Variants in ATP8A2 observed in about 807,000 individuals in gnomAD.
ATP8A2 encodes the protein phospholipid-transporting ATPase IB.
A neutral mutation model predicts 165.6 loss-of-function variants in ATP8A2; 100 were observed. The observed-to-expected ratio is 0.60, with a 90% CI of 0.51 to 0.71. The LOEUF is 0.71. ATP8A2 is among the 30% of genes least tolerant of loss of function. The probability of loss-of-function intolerance (pLI) is 0.00; values close to 1 mark genes in which losing one functional copy is unlikely to be tolerated. For missense variants in ATP8A2, 1,227 were observed against 1,479.5 expected (o/e 0.83, Z 2.80); for synonymous variants, 543 against 548.8 (o/e 0.99, Z 0.15).
intron 35 of ATP8A2, among the ~76,000 whole-genome samples, chr13:25,971,871 A>G (rs1424635444): frequency 6.6e-6 from 1 of 151,920 alleles, no homozygotes; most frequent in Non-Finnish European, 1.5e-5. Flanking sequence ...CCTCCCTGAA[A>G]CCCACTCCCT....
At chr13:25,549,484 C>T (rs920195668) in intron 10 of ATP8A2, among the ~76,000 whole-genome samples, 7 of 150,042 alleles carry the variant, frequency 4.7e-5, no homozygotes, top group Admixed American at 4.6e-4. Context: ...AAAGCCTGGG[C>T]CCATGATTCA....
intron 1 of ATP8A2, among the ~76,000 whole-genome samples, chr13:25,412,226 G>A (rs2033988295): frequency 6.6e-6 from 1 of 152,158 alleles, no homozygotes; most frequent in African/African-American, 2.4e-5. Context: ...TGCTTCAGAG[G>A]CAGAAGTACC....
At chr13:25,882,784 A>G (rs1953018818) in intron 33 of ATP8A2, among the ~76,000 whole-genome samples, 1 of 152,162 alleles carries the variant, frequency 6.6e-6, no homozygotes, top group South Asian at 2.1e-4. Flanking sequence ...TGCAGCTTAA[A>G]AATTAGCCAC....
chr13:25,867,336 A>G (rs1465059361), intron 33 of ATP8A2, among the ~76,000 whole-genome samples: 1 of 152,052 alleles, frequency 6.6e-6, no homozygotes, highest in Non-Finnish European at 1.5e-5. Context: ...AGGCCTAGGT[A>G]TGTTCCATGT....
At chr13:25,945,784 C>T (rs1955194765) in intron 33 of ATP8A2, among the ~76,000 whole-genome samples, 1 of 152,168 alleles carries the variant, frequency 6.6e-6, no homozygotes, top group African/African-American at 2.4e-5. Context: ...AGGGATGGAT[C>T]GCGGCCAGCT....
intron 8 of ATP8A2, among the ~76,000 whole-genome samples, chr13:25,541,478 G>A (rs2038475873): frequency 6.6e-6 from 1 of 152,026 alleles, no homozygotes; most frequent in Non-Finnish European, 1.5e-5. Context: ...AACCATGATT[G>A]CACCACTGCC....
chr13:25,434,630 T>C (rs12868805), intron 1 of ATP8A2, among the ~76,000 whole-genome samples: 5,225 of 152,290 alleles, frequency 0.034, 119 homozygotes, highest in Middle Eastern at 0.065. Context: ...ATTACAGGCA[T>C]GAGCCACTGT....
At chr13:25,851,194 G>A (rs1399354110) in intron 30 of ATP8A2, among the ~76,000 whole-genome samples, 1 of 152,218 alleles carries the variant, frequency 6.6e-6, no homozygotes, top group Non-Finnish European at 1.5e-5. Context: ...ATTAGGCTTA[G>A]CCCATCTTCA....
chr13:25,443,793 T>C (rs776750439), intron 1 of ATP8A2, among the ~76,000 whole-genome samples: 1 of 152,260 alleles, frequency 6.6e-6, no homozygotes, highest in Non-Finnish European at 1.5e-5. Context: ...ATATCTGTTT[T>C]GTTCCTTGTT....
chr13:25,539,989 T>C (rs946291280), intron 7 of ATP8A2, among the ~76,000 whole-genome samples: 1 of 152,206 alleles, frequency 6.6e-6, no homozygotes, highest in African/African-American at 2.4e-5. Flanking sequence ...AAGGATTGCC[T>C]GAACCCAGTG....
chr13:25,626,768 T>G (rs185245702), intron 24 of ATP8A2, among the ~76,000 whole-genome samples: 2 of 152,176 alleles, frequency 1.3e-5, no homozygotes, highest in Non-Finnish European at 2.9e-5. Context: ...AAAAGAGGTT[T>G]AATGGACTCA....
At chr13:25,667,805 C>T (rs2137730395) in intron 24 of ATP8A2, among the ~76,000 whole-genome samples, 1 of 152,006 alleles carries the variant, frequency 6.6e-6, no homozygotes, top group South Asian at 2.1e-4. Context: ...TTTTGATTCC[C>T]TTTTCACTGC....
chr13:25,473,995 A>T (rs1366817800), intron 2 of ATP8A2, among the ~76,000 whole-genome samples: 1 of 152,234 alleles, frequency 6.6e-6, no homozygotes, highest in Non-Finnish European at 1.5e-5. Context: ...ATGCCATTTG[A>T]AATAGTGAAT....
At chr13:25,587,198 A>T (rs992482342) in intron 23 of ATP8A2, among the ~76,000 whole-genome samples, 1 of 151,652 alleles carries the variant, frequency 6.6e-6, no homozygotes, top group Non-Finnish European at 1.5e-5. Flanking sequence ...ATGTGGATTG[A>T]CACAATAAAT....
chr13:25,889,010 T>C (rs1053378282), intron 33 of ATP8A2, among the ~76,000 whole-genome samples: 1 of 152,056 alleles, frequency 6.6e-6, no homozygotes, highest in African/African-American at 2.4e-5. Context: ...TTTCCTACAA[T>C]CTGTCAACGA....
intron 1 of ATP8A2, among the ~76,000 whole-genome samples, chr13:25,405,349 A>G (rs182361177): frequency 1.4e-3 from 212 of 152,364 alleles, no homozygotes; most frequent in Admixed American, 2.4e-3. Context: ...TCTACCGCAT[A>G]TGATGAGTCA....
chr13:25,699,592 T>C (rs2137913965), intron 25 of ATP8A2, among the ~76,000 whole-genome samples: 1 of 152,356 alleles, frequency 6.6e-6, no homozygotes, highest in East Asian at 1.9e-4. Flanking sequence ...GGGCTTCCAG[T>C]CACATTCACC....
At chr13:25,534,320 A>G in intron 6 of ATP8A2, 1 of 443,636 alleles carries the variant, frequency 2.3e-6, no homozygotes. Context: ...CTTGGTCAGG[A>G]GGTTGGGAAT....
intron 24 of ATP8A2, among the ~76,000 whole-genome samples, chr13:25,673,734 G>A (rs909717352): frequency 1.3e-5 from 2 of 152,134 alleles, no homozygotes; most frequent in Non-Finnish European, 2.9e-5. Context: ...AATGATTCAC[G>A]GCAATGGAAA....
Sources: allele counts gnomAD v4.1 joint callset (sites outside exome capture counted in the v4.1 genomes callset), GRCh38; gene constraint gnomAD v4.1.1; transcripts MANE v1.5; gene names NCBI Gene and HGNC (gene_info 2026-07-23, HGNC 2026-07-21).